CAPZB: variants seen among roughly 807,000 people sequenced by gnomAD.
The protein encoded by CAPZB is F-actin-capping protein subunit beta.
CAPZB carries 2 observed loss-of-function variants against 38.1 expected under a neutral mutation model. That is an observed-to-expected ratio of 0.05 (90% CI 0.02 to 0.17). CAPZB has a LOEUF of 0.17. Among genes scored for constraint, CAPZB ranks in the 10% least tolerant of loss-of-function variants. CAPZB has a pLI of 1.00. For missense variants in CAPZB, 161 were observed against 334.2 expected, an observed-to-expected ratio of 0.48 and a Z score of 4.04; for synonymous variants, 107 against 127.4, an observed-to-expected ratio of 0.84 and a Z score of 1.08.
chr1:19,448,927 T>C (rs745998041), intron 1 of CAPZB: 8 of 1,612,708 alleles, frequency 5.0e-6, no homozygotes, highest in Middle Eastern at 3.3e-4. Flanking sequence ...GAGGAGGTGA[T>C]GGGTTAATAA....
At chr1:19,368,144 A>C (rs1249699554) in intron 4 of CAPZB, among the ~76,000 whole-genome samples, 1 of 152,188 alleles carries the variant, frequency 6.6e-6, no homozygotes, top group Admixed American at 6.5e-5. Flanking sequence ...AACGTGCCCA[A>C]GTCACAGGCT....
At chr1:19,466,057 C>T (rs2094568077) in intron 1 of CAPZB, among the ~76,000 whole-genome samples, 1 of 152,094 alleles carries the variant, frequency 6.6e-6, no homozygotes, top group South Asian at 2.1e-4. Context: ...GCAGTCTGGC[C>T]CCAGGAGCCC....
At chr1:19,364,025 C>T (rs1286924054) in intron 4 of CAPZB, among the ~76,000 whole-genome samples, 2 of 152,206 alleles carry the variant, frequency 1.3e-5, no homozygotes, top group Non-Finnish European at 2.9e-5. Context: ...GCCACACTCA[C>T]AGGACTTGGA....
In CAPZB at chr1:19,419,968, T is replaced by C. The variant is rs950301854; in HGVS notation, c.4-218A>G. 25 of 513,984 alleles carry C rather than the reference T, an allele frequency of 4.9e-5. No homozygotes were observed. The Admixed American group carries it at 6.0e-4, about 12-fold the overall frequency. 31.8% of individuals were successfully genotyped at this position (513,984 alleles called of 1,614,324 possible). On this transcript the variant is annotated intron_variant, in intron 1 of 8. Coordinates refer to ENST00000264202, the MANE Select transcript of CAPZB (RefSeq NM_004930.5). ...GCAGTCTCTGTCTCAAGTGGGGGCATCCAAAAGACCCTGAAAGAAGTGGAA... is the reference window on the plus strand; with the variant it reads ...GCAGTCTCTGTCTCAAGTGGGGGCACCCAAAAGACCCTGAAAGAAGTGGAA...
At chr1:19,381,457 C>T (rs10799805) in intron 3 of CAPZB, among the ~76,000 whole-genome samples, 54,227 of 151,716 alleles carry the variant, frequency 0.36, 9,811 homozygotes, top group African/African-American at 0.41. Flanking sequence ...GCTGGTGGAC[C>T]GAAGCCTCAC....
intron 1 of CAPZB, among the ~76,000 whole-genome samples, chr1:19,444,471 T>C (rs1042066287): frequency 6.6e-6 from 1 of 152,186 alleles, no homozygotes; most frequent in African/African-American, 2.4e-5. Flanking sequence ...TGAAAACTAA[T>C]GACGAACACA....
rs139198219 is a variant in CAPZB, at chr1:19,347,843, A to C, written c.589-2591T>G. ...AACCCAAGGAAACCGAAGCTTAAAG[A>C]AGCAAGAATCATACAGCACTGTTAG... On this transcript the variant is annotated intron_variant, in intron 6 of 8. Coordinates refer to ENST00000264202, the MANE Select transcript of CAPZB (RefSeq NM_004930.5). Among the ~76,000 whole-genome samples the C allele has an allele frequency of 4.3e-3, 650 of 152,300 alleles. 11 individuals are homozygous for C. Among genetic ancestry groups the C allele is most frequent in the African/African-American group, 0.015 (628 of 41,556 alleles).
intron 2 of CAPZB, among the ~76,000 whole-genome samples, chr1:19,418,462 C>T (rs555739673): frequency 6.6e-6 from 1 of 152,152 alleles, no homozygotes; most frequent in Admixed American, 6.5e-5. Flanking sequence ...CTGGCAGGAC[C>T]CTCTCTTTTT....
chr1:19,465,981 C>A (rs1431635368), intron 1 of CAPZB, among the ~76,000 whole-genome samples: 1 of 151,896 alleles, frequency 6.6e-6, no homozygotes, highest in Non-Finnish European at 1.5e-5. Flanking sequence ...GAACCAGTCC[C>A]AGAGAGTTAA....
rs150401740 is a variant in CAPZB at position 19,401,152 on chromosome 1, A to G, written c.94-15526T>C. Among the ~76,000 whole-genome samples the G allele has an allele frequency of 5.3e-5, 8 of 152,232 alleles. No individual in the cohort carries two copies. The East Asian group carries it at 1.5e-3, about 29-fold the overall frequency. On this transcript the variant is annotated intron_variant, in intron 2 of 8. Coordinates refer to ENST00000264202, the MANE Select transcript of CAPZB (RefSeq NM_004930.5). ...AAAAAAGACCAGAGAGCATTTTCAC[A>G]AGCAATTCCTAAGAGACTTAAATTT...
intron 3 of CAPZB, among the ~76,000 whole-genome samples, chr1:19,379,033 C>T (rs1260616486): frequency 1.3e-5 from 2 of 151,848 alleles, no homozygotes; most frequent in African/African-American, 4.8e-5. Flanking sequence ...TGTCAGTGTT[C>T]AACAAATGCT....
chr1:19,469,621 G>C (rs936448374), intron 1 of CAPZB, among the ~76,000 whole-genome samples: 2 of 152,008 alleles, frequency 1.3e-5, no homozygotes, highest in Non-Finnish European at 2.9e-5. Flanking sequence ...CGGCCACGGA[G>C]AGAGCATTTG....
At chr1:19,386,080 C>A (rs565321692) in intron 2 of CAPZB, among the ~76,000 whole-genome samples, 1 of 152,228 alleles carries the variant, frequency 6.6e-6, no homozygotes, top group African/African-American at 2.4e-5. Context: ...TGGGTGGAGT[C>A]TCCAGTACTT....
intron 6 of CAPZB, among the ~76,000 whole-genome samples, chr1:19,351,022 G>C (rs1454995197): frequency 6.7e-6 from 1 of 148,478 alleles, no homozygotes; most frequent in East Asian, 2.0e-4. Context: ...TTGCTCTGTC[G>C]CCCAGGCTGG....
chr1:19,418,136 CAAAAAAAAAAAAAAA>C (rs59390448), intron 2 of CAPZB, among the ~76,000 whole-genome samples: 1 of 35,298 alleles, frequency 2.8e-5, no homozygotes, highest in Non-Finnish European at 5.1e-5. Context: ...ACTCTGTCAC[CAAAAAAAAAAAAAAA>C]AAAAAAAAAA....
intron 4 of CAPZB, among the ~76,000 whole-genome samples, chr1:19,373,498 T>A (rs1306275239): frequency 6.6e-6 from 1 of 152,060 alleles, no homozygotes; most frequent in African/African-American, 2.4e-5. Context: ...AGAATCTACG[T>A]CTTTCCCTCA....
rs869210528 is a variant in CAPZB, at chr1:19,381,684, ATTTTTTTTTTTT to A, written c.216-3043_216-3032del. Among the ~76,000 whole-genome samples the A allele has an allele frequency of 8.3e-5, 7 of 84,538 alleles. No homozygotes were observed. In the East Asian group the frequency reaches 1.4e-3, roughly 17 times the overall value. The allele number at this position is 84,538 out of a possible 152,430, so 55.5% of individuals were successfully genotyped here. ...AGGCATGTACCACCATGCCCAGCTA[ATTTTTTTTTTTT>A]TTTTTTTTTTTTTTGAGACAGAGTC... On this transcript the variant is annotated intron_variant, in intron 3 of 8. Coordinates refer to ENST00000264202, the MANE Select transcript of CAPZB (RefSeq NM_004930.5).
intron 1 of CAPZB, among the ~76,000 whole-genome samples, chr1:19,458,230 C>A (rs1311752978): frequency 6.6e-6 from 1 of 152,112 alleles, no homozygotes; most frequent in Non-Finnish European, 1.5e-5. Context: ...CTGACCTACA[C>A]AAGTGGCACT....
intron 1 of CAPZB, among the ~76,000 whole-genome samples, chr1:19,482,329 A>AAGAGGG (rs2094632438): frequency 6.6e-6 from 1 of 152,228 alleles, no homozygotes; most frequent in Non-Finnish European, 1.5e-5. Context: ...TGAGTTGAAC[A>AAGAGGG]ATGTGTCTTA....
Sources: allele counts gnomAD v4.1 joint callset (sites outside exome capture counted in the v4.1 genomes callset), GRCh38; gene constraint gnomAD v4.1.1; transcripts MANE v1.5; gene names NCBI Gene and HGNC (gene_info 2026-07-23, HGNC 2026-07-21).